Variants in FBXO4 observed in about 807,000 individuals in gnomAD.
FBXO4 encodes F-box only protein 4.
In FBXO4, 36 loss-of-function variants were observed where a neutral mutation model predicts 43.7. The observed-to-expected ratio is 0.82, with a 90% CI of 0.63 to 1.09. The LOEUF (loss-of-function observed/expected upper bound fraction) is 1.09. Among genes scored for constraint, FBXO4 ranks in the 50% least tolerant of loss-of-function variants. FBXO4 has a pLI of 0.00. For synonymous variants in FBXO4, 180 were observed against 165.6 expected, an observed-to-expected ratio of 1.09 and a Z score of -0.67; for missense variants, 435 against 474.1, an observed-to-expected ratio of 0.92 and a Z score of 0.77.
At chr5:42,031,797 G>A in the FBXO4 span, among the ~76,000 whole-genome samples, 5 of 151,850 alleles carry the variant, frequency 3.3e-5, no homozygotes, top group Non-Finnish European at 5.9e-5. Context: ...AGTCTTCATC[G>A]TCTGGGCTTA....
the FBXO4 span, among the ~76,000 whole-genome samples, chr5:41,958,212 G>A: frequency 6.8e-6 from 1 of 146,668 alleles, no homozygotes; most frequent in Non-Finnish European, 1.5e-5. Context: ...TCAGCTCACT[G>A]CAAGCTCCGC....
chr5:41,929,615 A>G, intron 2 of FBXO4, 82 bp from the exon 3 acceptor site: 3 of 984,684 alleles, frequency 3.0e-6, no homozygotes, highest in East Asian at 2.5e-5. Flanking sequence ...GTGTCTAGCA[A>G]GTACTCAATA....
At chr5:41,978,200 A>G in the FBXO4 span, among the ~76,000 whole-genome samples, 1 of 152,168 alleles carries the variant, frequency 6.6e-6, no homozygotes, top group Non-Finnish European at 1.5e-5. Flanking sequence ...CTTTTGAACT[A>G]TAAGAGCAAG....
chr5:41,953,796 T>C, the FBXO4 span, among the ~76,000 whole-genome samples: 1 of 151,972 alleles, frequency 6.6e-6, no homozygotes, highest in Non-Finnish European at 1.5e-5. Flanking sequence ...AAATGTCTTC[T>C]TTTGAGAAGT....
chr5:41,998,648 C>T, the FBXO4 span, among the ~76,000 whole-genome samples: 1 of 152,150 alleles, frequency 6.6e-6, no homozygotes, highest in Admixed American at 6.5e-5. Flanking sequence ...TATGTTCCTC[C>T]ACAATTATCC....
the FBXO4 span, among the ~76,000 whole-genome samples, chr5:41,957,907 T>C: frequency 6.6e-6 from 1 of 152,144 alleles, no homozygotes; most frequent in Non-Finnish European, 1.5e-5. Flanking sequence ...CGTGGAGATA[T>C]GAGTTAATCT....
At chr5:41,980,427 A>G in the FBXO4 span, among the ~76,000 whole-genome samples, 2 of 152,260 alleles carry the variant, frequency 1.3e-5, no homozygotes, top group South Asian at 4.1e-4. Context: ...CTCATTCCTT[A>G]CTCCGTTTTC....
the FBXO4 span, among the ~76,000 whole-genome samples, chr5:41,977,725 C>A: frequency 1.3e-5 from 2 of 152,298 alleles, no homozygotes; most frequent in African/African-American, 2.4e-5. Context: ...AGGCATGAAC[C>A]ACCATGCCTG....
the FBXO4 span, among the ~76,000 whole-genome samples, chr5:41,971,205 GGTGTGTGTGTGT>G: frequency 2.0e-5 from 3 of 147,366 alleles, no homozygotes; most frequent in African/African-American, 5.0e-5. Context: ...ACTAGAGAGA[GGTGTGTGTGTGT>G]GTGTGTGTGT....
chr5:41,974,278 T>A, the FBXO4 span, among the ~76,000 whole-genome samples: 3 of 152,330 alleles, frequency 2.0e-5, 1 homozygote, highest in South Asian at 2.1e-4. Flanking sequence ...TTTGGAGAAT[T>A]CTTGGCCTTT....
Position 41,941,414 on chromosome 5 carries a change from C to T in FBXO4, c.*133C>T. ...GCTTTCATTTGGACAGCTATAACTG[C>T]TGTGTTTTTTATATTATTTTTACTC... On this transcript the variant is annotated 3_prime_UTR_variant, in exon 7 of 7. Coordinates refer to ENST00000281623, the MANE Select transcript of FBXO4 (RefSeq NM_012176.3). 1.8e-6 allele frequency: 1 copy of T among 570,214 alleles called. No homozygotes were observed. The highest frequency in any genetic ancestry group is 3.1e-6 in the Non-Finnish European group (1 of 321,940). 35.3% of individuals were successfully genotyped at this position (570,214 alleles called of 1,614,324 possible).
the FBXO4 span, among the ~76,000 whole-genome samples, chr5:42,036,178 G>T: frequency 6.6e-6 from 1 of 152,018 alleles, no homozygotes; most frequent in Non-Finnish European, 1.5e-5. Context: ...TTTAAATGGT[G>T]GCTTTGGGAT....
chr5:41,952,057 T>A, the FBXO4 span: 1 of 226,026 alleles, frequency 4.4e-6, no homozygotes, highest in Non-Finnish European at 8.9e-6. Flanking sequence ...ATGCAGATGC[T>A]ATCACTTTTT....
At chr5:42,012,315 G>A in the FBXO4 span, among the ~76,000 whole-genome samples, 1 of 152,124 alleles carries the variant, frequency 6.6e-6, no homozygotes, top group East Asian at 1.9e-4. Flanking sequence ...CAAACCTATA[G>A]ATGTGAGCAT....
At chr5:41,987,529 A>T in the FBXO4 span, among the ~76,000 whole-genome samples, 2 of 152,194 alleles carry the variant, frequency 1.3e-5, no homozygotes, top group African/African-American at 4.8e-5. Flanking sequence ...GCTCCTTGTG[A>T]GGAATATTAC....
the FBXO4 span, among the ~76,000 whole-genome samples, chr5:41,958,994 T>C: frequency 6.6e-6 from 1 of 152,218 alleles, no homozygotes; most frequent in Non-Finnish European, 1.5e-5. Flanking sequence ...ATAATGACTG[T>C]ACTAATTTAC....
chr5:42,010,087 G>C, the FBXO4 span, among the ~76,000 whole-genome samples: 1 of 151,990 alleles, frequency 6.6e-6, no homozygotes, highest in Non-Finnish European at 1.5e-5. Context: ...TAATTATAAG[G>C]TACCTTGATT....
chr5:42,015,273 T>C, the FBXO4 span, among the ~76,000 whole-genome samples: 6 of 152,348 alleles, frequency 3.9e-5, no homozygotes, highest in South Asian at 8.3e-4. Flanking sequence ...TGAGATTTTG[T>C]GTGTGTGTGA....
the FBXO4 span, among the ~76,000 whole-genome samples, chr5:42,016,951 G>A: frequency 1.3e-5 from 2 of 151,980 alleles, no homozygotes; most frequent in African/African-American, 4.8e-5. Flanking sequence ...GTAGCCAAAA[G>A]TATTCTAACT....
Sources: gnomAD v4.1 joint callset for allele counts (sites outside exome capture counted in the v4.1 genomes callset) on GRCh38, gnomAD v4.1.1 for gene constraint, MANE v1.5 for transcripts, NCBI Gene and HGNC (gene_info 2026-07-23, HGNC 2026-07-21) for gene names.